OLA1: variants seen among roughly 807,000 people sequenced by gnomAD.
OLA1 encodes the protein obg-like ATPase 1.
Under a neutral mutation model 48.4 loss-of-function variants are expected in OLA1, and 14 were observed. The observed-to-expected ratio is 0.29, with a 90% CI of 0.19 to 0.45. The LOEUF (loss-of-function observed/expected upper bound fraction) is 0.45. Among genes scored for constraint, OLA1 ranks in the 20% least tolerant of loss-of-function variants. The pLI, the probability that OLA1 is intolerant of heterozygous loss-of-function variation, is 1.00. For missense variants in OLA1, 325 were observed against 467.1 expected (o/e 0.70, Z 2.80); for synonymous variants, 127 against 150.4 (o/e 0.84, Z 1.14).
At chr2:174,188,050 G>C (rs142572408) in intron 4 of OLA1, among the ~76,000 whole-genome samples, 1 of 152,118 alleles carries the variant, frequency 6.6e-6, no homozygotes, top group Non-Finnish European at 1.5e-5. Flanking sequence ...GTGGTTAAAC[G>C]GCCAAAATGG....
intron 5 of OLA1, among the ~76,000 whole-genome samples, chr2:174,132,928 T>G (rs781062666): frequency 4.6e-5 from 7 of 152,098 alleles, no homozygotes; most frequent in Non-Finnish European, 7.4e-5. Flanking sequence ...ACTAAAAGTA[T>G]TAAGATTTTC....
intron 2 of OLA1, among the ~76,000 whole-genome samples, chr2:174,242,247 G>C (rs925889873): frequency 1.3e-5 from 2 of 152,186 alleles, no homozygotes; most frequent in African/African-American, 4.8e-5. Context: ...GATGGTTTCA[G>C]GATGAAACTG....
In OLA1 at chr2:174,084,432, C is replaced by G. The variant is rs142655848; in HGVS notation, c.729-2368G>C. 2.0e-3 allele frequency among the ~76,000 whole-genome samples: 310 copies of G among 152,288 alleles called. 2 individuals carry two copies. Among genetic ancestry groups the G allele is most frequent in the African/African-American group, 7.2e-3 (298 of 41,560 alleles). ...ATGAAAAGTGAGTGAGGTTCTTTGG[C>G]TGTCTGCTTTACTTTTGTGACTTTT... On this transcript the variant is annotated intron_variant, in intron 7 of 10. Coordinates refer to ENST00000284719, the MANE Select transcript of OLA1 (RefSeq NM_013341.5).
chr2:174,191,770 G>A (rs777112144), intron 4 of OLA1, among the ~76,000 whole-genome samples: 3 of 151,652 alleles, frequency 2.0e-5, no homozygotes, highest in African/African-American at 7.3e-5. Flanking sequence ...ACCAAAAATT[G>A]TTTCTTGAAA....
At chr2:174,107,938 T>C (rs1685552001) in intron 7 of OLA1, among the ~76,000 whole-genome samples, 2 of 152,078 alleles carry the variant, frequency 1.3e-5, no homozygotes, top group Non-Finnish European at 1.5e-5. Context: ...TAGAGGGGCT[T>C]AAAATATGCT....
intron 4 of OLA1, among the ~76,000 whole-genome samples, chr2:174,176,490 T>C (rs1372783055): frequency 6.6e-6 from 1 of 152,128 alleles, no homozygotes; most frequent in East Asian, 1.9e-4. Context: ...CAAATATGCA[T>C]AATAAAAAAC....
chr2:174,154,160 C>T (rs1686814264), intron 4 of OLA1, among the ~76,000 whole-genome samples: 2 of 152,202 alleles, frequency 1.3e-5, no homozygotes, highest in South Asian at 4.1e-4. Context: ...TGAGCTGCTG[C>T]ACTCAGCCAA....
chr2:174,203,465 C>CTTTT (rs71021678), intron 4 of OLA1, among the ~76,000 whole-genome samples: 18,124 of 140,328 alleles, frequency 0.13, 1,598 homozygotes, highest in Non-Finnish European at 0.2. Flanking sequence ...TAGCTAACAT[C>CTTTT]TTTTTTTTTT....
chr2:174,155,469 A>G (rs1199999089), intron 4 of OLA1, among the ~76,000 whole-genome samples: 1 of 152,226 alleles, frequency 6.6e-6, no homozygotes, highest in Non-Finnish European at 1.5e-5. Context: ...AAGCATATCA[A>G]TCACAAAAAT....
chr2:174,103,035 G>T (rs1383240017), intron 7 of OLA1, among the ~76,000 whole-genome samples: 1 of 152,112 alleles, frequency 6.6e-6, no homozygotes, highest in East Asian at 1.9e-4. Context: ...GGCAAGCAGG[G>T]TCAAAATATG....
chr2:174,162,118 G>C (rs531118313), intron 4 of OLA1, among the ~76,000 whole-genome samples: 49 of 152,284 alleles, frequency 3.2e-4, no homozygotes, highest in African/African-American at 1.2e-3. Flanking sequence ...ACAAAACTTA[G>C]CTAGAGGTAC....
intron 4 of OLA1, among the ~76,000 whole-genome samples, chr2:174,215,287 CGTTACT>C (rs1688339062): frequency 6.6e-6 from 1 of 152,042 alleles, no homozygotes; most frequent in African/African-American, 2.4e-5. Context: ...CAGAATGTTA[CGTTACT>C]GTATGACAAT....
chr2:174,074,355 G>A lies in OLA1; in HGVS notation c.*1071C>T, dbSNP rs35145102. On this transcript the variant is annotated 3_prime_UTR_variant, in exon 11 of 11. Coordinates refer to ENST00000284719, the MANE Select transcript of OLA1 (RefSeq NM_013341.5). ...TTTCAGGCCATCATCACAAGAGAAGGCTAAGTGGCAAAGGGTCTCCAAATT... is the reference window on the plus strand; with the variant it reads ...TTTCAGGCCATCATCACAAGAGAAGACTAAGTGGCAAAGGGTCTCCAAATT... The A allele has an allele frequency of 0.25, 38,439 of 152,138 alleles. 5,703 individuals are homozygous for A. Among genetic ancestry groups the A allele is most frequent in the East Asian group, 0.7 (3,636 of 5,182 alleles). 9.4% of individuals were successfully genotyped at this position (152,138 alleles called of 1,614,324 possible).
intron 7 of OLA1, among the ~76,000 whole-genome samples, chr2:174,115,789 C>T (rs971324619): frequency 4.6e-5 from 7 of 152,162 alleles, no homozygotes; most frequent in Admixed American, 1.3e-4. Context: ...ATAAGGTCTT[C>T]CCCAGCCGCC....
intron 10 of OLA1, among the ~76,000 whole-genome samples, chr2:174,077,633 T>A (rs2105337048): frequency 6.6e-6 from 1 of 152,140 alleles, no homozygotes; most frequent in East Asian, 1.9e-4. Context: ...AAATATTATT[T>A]TATTGGATAT....
In OLA1 at chr2:174,223,965, T is replaced by C. The variant is rs74917146; in HGVS notation, c.246-805A>G. On this transcript the variant is annotated intron_variant, in intron 3 of 10. Coordinates refer to ENST00000284719, the MANE Select transcript of OLA1 (RefSeq NM_013341.5). Reference sequence around the variant, plus strand: ...CCATGTAAAAATGGAGATTTAAGTATATCAATAAATAAAAGCTACTTTTAA... The same window carrying C: ...CCATGTAAAAATGGAGATTTAAGTACATCAATAAATAAAAGCTACTTTTAA... 7.7e-4 allele frequency among the ~76,000 whole-genome samples: 117 copies of C among 152,276 alleles called. 2 individuals carry two copies. The East Asian group carries it at 0.019, about 25-fold the overall frequency.
intron 7 of OLA1, among the ~76,000 whole-genome samples, chr2:174,114,858 AGT>A (rs60510720): frequency 0.13 from 19,562 of 152,132 alleles, 1,442 homozygotes; most frequent in East Asian, 0.21. Flanking sequence ...GGCCAGGTAT[AGT>A]GGTTCACACC....
At chr2:174,191,291 A>G (rs1395746865) in intron 4 of OLA1, among the ~76,000 whole-genome samples, 1 of 149,108 alleles carries the variant, frequency 6.7e-6, no homozygotes, top group East Asian at 1.9e-4. Context: ...TCATTTAGGA[A>G]ACTGACAAGA....
Position 174,162,458 on chromosome 2 carries a change from C to T in OLA1, c.374-20458G>A, listed in dbSNP as rs188704900. Among the ~76,000 whole-genome samples the T allele has an allele frequency of 7.2e-5, 11 of 152,234 alleles. No individual in the cohort carries two copies. In the East Asian group the frequency reaches 1.3e-3, roughly 19 times the overall value. On this transcript the variant is annotated intron_variant, in intron 4 of 10. Transcript: ENST00000284719. ...TAAGTCCTTGTCCCATACCAGGCTA[C>T]GAAGGTATTATTGCTTCCTATTTAA...
Sources: allele counts gnomAD v4.1 joint callset (sites outside exome capture counted in the v4.1 genomes callset), GRCh38; gene constraint gnomAD v4.1.1; transcripts MANE v1.5; gene names NCBI Gene and HGNC (gene_info 2026-07-23, HGNC 2026-07-21).